Variants in FSTL5 observed in about 807,000 individuals in gnomAD.
FSTL5 encodes the protein follistatin like 5.
FSTL5 carries 62 observed loss-of-function variants against 89.1 expected under a neutral mutation model. The observed-to-expected ratio is 0.70, with a 90% CI of 0.57 to 0.86. The LOEUF is 0.86. Among genes scored for constraint, FSTL5 ranks in the 40% least tolerant of loss-of-function variants. The pLI is 0.00. For synonymous variants in FSTL5, 383 were observed against 346.2 expected (o/e 1.11, Z -1.18); for missense variants, 1,057 against 1,001.6 (o/e 1.06, Z -0.75).
At chr4:161,895,314 C>T (rs1318270008) in intron 4 of FSTL5, among the ~76,000 whole-genome samples, 1 of 152,092 alleles carries the variant, frequency 6.6e-6, no homozygotes, top group Non-Finnish European at 1.5e-5. Flanking sequence ...TTACAGAAAA[C>T]ATTAATTTAA....
intron 4 of FSTL5, among the ~76,000 whole-genome samples, chr4:161,881,080 T>A (rs986357224): frequency 6.6e-6 from 1 of 151,728 alleles, no homozygotes; most frequent in Non-Finnish European, 1.5e-5. Flanking sequence ...CATGATATAA[T>A]AATTTGTGAT....
Position 162,068,939 on chromosome 4 carries a change from A to C in FSTL5, c.127-35281T>G, listed in dbSNP as rs1040839020. Among the ~76,000 whole-genome samples the C allele has an allele frequency of 1.1e-4, 17 of 152,276 alleles. No individual in the cohort carries two copies. The East Asian group carries it at 2.1e-3, about 19-fold the overall frequency. On this transcript the variant is annotated intron_variant, in intron 2 of 15. Coordinates refer to ENST00000306100, the MANE Select transcript of FSTL5 (RefSeq NM_020116.5). ...ATTTTTGTGGCCAACAAGCATTTGA[A>C]AAAAAGCTCAACATCACTGATCATC...
At chr4:161,941,390 A>G (rs1453486315) in intron 3 of FSTL5, among the ~76,000 whole-genome samples, 1 of 151,938 alleles carries the variant, frequency 6.6e-6, no homozygotes, top group Non-Finnish European at 1.5e-5. Context: ...ATTATATGCT[A>G]TCTACAAGTA....
At chr4:161,759,313 G>C in intron 6 of FSTL5, 98 bp downstream of exon 6, 1 of 1,123,610 alleles carries the variant, frequency 8.9e-7, no homozygotes, top group Non-Finnish European at 1.2e-6. Flanking sequence ...TTTTTCTTAA[G>C]AAACAGCTTG....
chr4:161,605,926 A>G (rs1288474771), intron 7 of FSTL5, among the ~76,000 whole-genome samples: 2 of 149,496 alleles, frequency 1.3e-5, no homozygotes, highest in Non-Finnish European at 2.9e-5. Flanking sequence ...AATGTAATGC[A>G]AGCAGAGACA....
chr4:162,070,448 T>G (rs904326858), intron 2 of FSTL5, among the ~76,000 whole-genome samples: 17 of 151,892 alleles, frequency 1.1e-4, no homozygotes, highest in Non-Finnish European at 1.3e-4. Context: ...TGAAGAATTT[T>G]CTCTATGTTT....
intron 4 of FSTL5, among the ~76,000 whole-genome samples, chr4:161,884,692 C>G (rs1259894264): frequency 6.6e-6 from 1 of 152,052 alleles, no homozygotes; most frequent in Admixed American, 6.6e-5. Context: ...TGATGTGAAA[C>G]TATAGAGCTT....
intron 10 of FSTL5, among the ~76,000 whole-genome samples, chr4:161,533,453 A>G (rs10025714): frequency 6.6e-6 from 1 of 152,112 alleles, no homozygotes; most frequent in African/African-American, 2.4e-5. Context: ...ACCTCTATGC[A>G]CACGAATTAG....
intron 1 of FSTL5, among the ~76,000 whole-genome samples, chr4:162,123,773 T>C (rs2111439565): frequency 6.6e-6 from 1 of 151,892 alleles, no homozygotes; most frequent in African/African-American, 2.4e-5. Context: ...AAGAGACATA[T>C]AACTTACATT....
intron 3 of FSTL5, among the ~76,000 whole-genome samples, chr4:161,940,732 T>C (rs905973882): frequency 1.3e-5 from 2 of 151,804 alleles, no homozygotes; most frequent in Admixed American, 6.6e-5. Flanking sequence ...AGTTTGATGC[T>C]AGTAGACCTT....
intron 11 of FSTL5, among the ~76,000 whole-genome samples, chr4:161,502,154 T>C (rs1730314190): frequency 6.6e-6 from 1 of 152,030 alleles, no homozygotes; most frequent in African/African-American, 2.4e-5. Context: ...AGATTGTTTG[T>C]CATGTTTCTT....
chr4:162,113,769 C>G (rs1731535371), intron 1 of FSTL5, among the ~76,000 whole-genome samples: 1 of 152,126 alleles, frequency 6.6e-6, no homozygotes, highest in Non-Finnish European at 1.5e-5. Flanking sequence ...CAAAAACTTT[C>G]ACACATCAGA....
At chr4:161,730,394 A>T (rs1051457072) in intron 6 of FSTL5, among the ~76,000 whole-genome samples, 13 of 152,016 alleles carry the variant, frequency 8.6e-5, no homozygotes, top group African/African-American at 3.1e-4. Flanking sequence ...TTAATTGAAA[A>T]ATATGTTATA....
chr4:161,480,710 C>A (rs1162895636), intron 13 of FSTL5, among the ~76,000 whole-genome samples: 1 of 152,150 alleles, frequency 6.6e-6, no homozygotes, highest in Admixed American at 6.5e-5. Flanking sequence ...TCTGCCTGCT[C>A]CGACTGTGCC....
Position 161,770,343 on chromosome 4 carries a change from A to G in FSTL5, c.606+5535T>C, listed in dbSNP as rs565477095. On this transcript the variant is annotated intron_variant, in intron 5 of 15. Coordinates refer to ENST00000306100, the MANE Select transcript of FSTL5 (RefSeq NM_020116.5). ...ATATTGTACATTTTCCGCAACTAGAAGAATTTAATTGAATTGCTTGTAGCA... is the reference window on the plus strand; with the variant it reads ...ATATTGTACATTTTCCGCAACTAGAGGAATTTAATTGAATTGCTTGTAGCA... Among the ~76,000 whole-genome samples the G allele has an allele frequency of 3.3e-5, 5 of 152,132 alleles. No homozygotes were observed. The South Asian group carries it at 6.2e-4, about 19-fold the overall frequency.
intron 15 of FSTL5, among the ~76,000 whole-genome samples, chr4:161,441,531 C>G (rs954830948): frequency 6.6e-6 from 1 of 152,026 alleles, no homozygotes; most frequent in African/African-American, 2.4e-5. Flanking sequence ...AACTGAGAAG[C>G]CTAATGAAAT....
intron 12 of FSTL5, among the ~76,000 whole-genome samples, chr4:161,490,241 A>G (rs1328846187): frequency 2.0e-5 from 3 of 152,164 alleles, no homozygotes; most frequent in Non-Finnish European, 4.4e-5. Flanking sequence ...AAGATGGAAC[A>G]TCCGATATAA....
At chr4:161,448,042 A>G (rs111615506) in intron 15 of FSTL5, among the ~76,000 whole-genome samples, 51 of 152,164 alleles carry the variant, frequency 3.4e-4, no homozygotes, top group African/African-American at 1.2e-3. Flanking sequence ...AAACTGTGGA[A>G]AGGGAAGGTC....
chr4:161,786,042 T>C (rs1741892708), intron 4 of FSTL5, among the ~76,000 whole-genome samples: 1 of 152,100 alleles, frequency 6.6e-6, no homozygotes, highest in Non-Finnish European at 1.5e-5. Context: ...TACATTCTCT[T>C]TGACCAAACA....
Sources: gnomAD v4.1 joint callset for allele counts (sites outside exome capture counted in the v4.1 genomes callset) on GRCh38, gnomAD v4.1.1 for gene constraint, MANE v1.5 for transcripts, NCBI Gene and HGNC (gene_info 2026-07-23, HGNC 2026-07-21) for gene names.